Variants in WDR70 observed in about 807,000 individuals in gnomAD.
WDR70 encodes the protein WD repeat domain 70.
A neutral mutation model predicts 88.6 loss-of-function variants in WDR70; 53 were observed. The observed-to-expected ratio is 0.60, with a 90% confidence interval of 0.48 to 0.75. WDR70 has a LOEUF of 0.75. Ranked by LOEUF, WDR70 falls within the 30% of genes least tolerant of loss-of-function variation. The pLI, the probability that WDR70 is intolerant of heterozygous loss-of-function variation, is 0.00. For missense variants in WDR70, 610 were observed against 823.2 expected (o/e 0.74, Z 3.17); for synonymous variants, 280 against 270.0 (o/e 1.04, Z -0.36).
At chr5:37,434,633 G>A (rs1241576651) in intron 5 of WDR70, among the ~76,000 whole-genome samples, 1 of 152,152 alleles carries the variant, frequency 6.6e-6, no homozygotes, top group East Asian at 1.9e-4. Flanking sequence ...TGAAATTTCT[G>A]TAAGGATGTT....
chr5:37,484,109 G>A lies in WDR70; in HGVS notation c.840+4122G>A, dbSNP rs547395550. ...CAGAGGGGCTCCTCACATCCCAGAC[G>A]ATGGGCGGCCAGGCAGAGACGCTCC... On this transcript the variant is annotated intron_variant, in intron 8 of 17. Coordinates refer to ENST00000265107, the MANE Select transcript of WDR70 (RefSeq NM_018034.4). Among the ~76,000 whole-genome samples, 48 of 151,584 alleles carry A rather than the reference G, an allele frequency of 3.2e-4. 1 individual carries two copies. Among genetic ancestry groups the A allele is most frequent in the Non-Finnish European group, 5.3e-4 (36 of 67,804 alleles).
chr5:37,576,642 C>G (rs1341496292), intron 9 of WDR70, among the ~76,000 whole-genome samples: 2 of 152,070 alleles, frequency 1.3e-5, no homozygotes, highest in African/African-American at 2.4e-5. Context: ...AGAACGCTTT[C>G]TTACCCTCCA....
At chr5:37,563,872 T>G (rs1428551373) in intron 9 of WDR70, among the ~76,000 whole-genome samples, 16 of 107,384 alleles carry the variant, frequency 1.5e-4, no homozygotes, top group African/African-American at 2.5e-4. Flanking sequence ...AGGCAGAGGG[T>G]CTCCTCACTT....
intron 8 of WDR70, among the ~76,000 whole-genome samples, chr5:37,487,215 C>T (rs536577314): frequency 6.6e-6 from 1 of 152,240 alleles, no homozygotes; most frequent in South Asian, 2.1e-4. Flanking sequence ...TGTACTTTCT[C>T]CATTTCCCAG....
intron 9 of WDR70, among the ~76,000 whole-genome samples, chr5:37,537,041 G>C (rs1342942191): frequency 6.6e-6 from 1 of 151,960 alleles, no homozygotes; most frequent in Admixed American, 6.6e-5. Context: ...GAACCTCTAA[G>C]GTCATCTAAC....
At chr5:37,730,451 T>C (rs200524862) in intron 17 of WDR70, among the ~76,000 whole-genome samples, 30 of 166 alleles carry the variant, frequency 0.18, no homozygotes, top group African/African-American at 0.2. Context: ...ATTGATTTGC[T>C]TTTTTTTTGG....
intron 9 of WDR70, among the ~76,000 whole-genome samples, chr5:37,538,969 C>T (rs1456849773): frequency 6.6e-6 from 1 of 152,164 alleles, no homozygotes; most frequent in East Asian, 1.9e-4. Flanking sequence ...CTAGTATAAT[C>T]TGAGTCCACA....
At chr5:37,444,256 A>C (rs1233928287) in intron 7 of WDR70, among the ~76,000 whole-genome samples, 3 of 150,250 alleles carry the variant, frequency 2.0e-5, no homozygotes, top group African/African-American at 7.3e-5. Context: ...GTACCAATCT[A>C]TTTTGTACTG....
chr5:37,554,933 T>G (rs1742255620), intron 9 of WDR70, among the ~76,000 whole-genome samples: 1 of 152,200 alleles, frequency 6.6e-6, no homozygotes, highest in Non-Finnish European at 1.5e-5. Context: ...TAAATATGTA[T>G]TAGGGAATTA....
At chr5:37,686,951 AAAT>A (rs70978838) in intron 10 of WDR70, among the ~76,000 whole-genome samples, 73,690 of 142,702 alleles carry the variant, frequency 0.52, 20,624 homozygotes, top group Middle Eastern at 0.64. Flanking sequence ...CTCTGTCTCA[AAAT>A]AATAATAATA....
intron 8 of WDR70, among the ~76,000 whole-genome samples, chr5:37,512,724 G>C (rs1337856706): frequency 1.3e-5 from 2 of 151,140 alleles, no homozygotes; most frequent in Non-Finnish European, 2.9e-5. Flanking sequence ...TGTGACTACC[G>C]TTGTGTGCCA....
At chr5:37,388,561 G>A (rs1748703685) in intron 3 of WDR70, among the ~76,000 whole-genome samples, 2 of 149,070 alleles carry the variant, frequency 1.3e-5, no homozygotes, top group African/African-American at 4.9e-5. Context: ...CCAACATGGT[G>A]AAACCCCATC....
chr5:37,470,303 G>T (rs1269287789), intron 7 of WDR70, among the ~76,000 whole-genome samples: 1 of 151,956 alleles, frequency 6.6e-6, no homozygotes, highest in Admixed American at 6.6e-5. Context: ...GGTGAATTAA[G>T]GGCCTTAATA....
Position 37,602,600 on chromosome 5 carries a change from T to G in WDR70, c.918-2464T>G, listed in dbSNP as rs557318902. On this transcript the variant is annotated intron_variant, in intron 9 of 17. Coordinates refer to ENST00000265107, the MANE Select transcript of WDR70 (RefSeq NM_018034.4). Reference sequence around the variant, plus strand: ...GAGATTGTGCCACTACACTCCAGCTTGGGTGAGAGAGTGAGACTCTGTCTC... The same window carrying G: ...GAGATTGTGCCACTACACTCCAGCTGGGGTGAGAGAGTGAGACTCTGTCTC... Among the ~76,000 whole-genome samples, 347 of 150,320 alleles carry G rather than the reference T, an allele frequency of 2.3e-3. 2 individuals are homozygous for G. Among genetic ancestry groups the G allele is most frequent in the African/African-American group, 8.2e-3 (336 of 40,746 alleles).
chr5:37,509,774 G>T, intron 8 of WDR70, among the ~76,000 whole-genome samples: 1 of 149,294 alleles, frequency 6.7e-6, no homozygotes, highest in African/African-American at 2.5e-5. Context: ...TCTTCACTGA[G>T]CAGCCCTATA....
At chr5:37,568,969 G>A (rs1280423085) in intron 9 of WDR70, among the ~76,000 whole-genome samples, 1 of 152,120 alleles carries the variant, frequency 6.6e-6, no homozygotes, top group Admixed American at 6.5e-5. Flanking sequence ...AGAATAGGTT[G>A]AGCTAGCCTG....
intron 5 of WDR70, among the ~76,000 whole-genome samples, chr5:37,408,954 T>A (rs949416102): frequency 1.3e-5 from 2 of 152,190 alleles, no homozygotes; most frequent in Non-Finnish European, 2.9e-5. Context: ...TATTATTATT[T>A]TTTAGATGGA....
At chr5:37,629,813 T>C (rs1744763072) in intron 10 of WDR70, among the ~76,000 whole-genome samples, 1 of 152,226 alleles carries the variant, frequency 6.6e-6, no homozygotes, top group South Asian at 2.1e-4. Flanking sequence ...GAATTATGTT[T>C]CTCTTTGGAA....
At position 37,451,615 on chromosome 5, in the gene WDR70, C is replaced by T. The variant is rs1040285048; in HGVS notation, c.686+8243C>T. ...TACCACAATAGATAACAAGGTACCT[C>T]TAGACATAAAAAATATGTGACTTAA... On this transcript the variant is annotated intron_variant, in intron 7 of 17. Coordinates refer to ENST00000265107, the MANE Select transcript of WDR70 (RefSeq NM_018034.4). Among the ~76,000 whole-genome samples the T allele has an allele frequency of 5.2e-3, 170 of 32,492 alleles. No individual in the cohort carries two copies. In the Non-Finnish European group the frequency reaches 0.085, roughly 16 times the overall value. The allele number at this position is 32,492 out of a possible 152,430, so 21.3% of individuals were successfully genotyped here. A position where few individuals can be genotyped will look rare whatever the true frequency, so the allele number is the denominator to read the frequency against.
Sources: gnomAD v4.1 joint callset for allele counts (sites outside exome capture counted in the v4.1 genomes callset) on GRCh38, gnomAD v4.1.1 for gene constraint, MANE v1.5 for transcripts, NCBI Gene and HGNC (gene_info 2026-07-23, HGNC 2026-07-21) for gene names.